The following TBC1D5 variants were observed in gnomAD, a reference collection of about 807,000 sequenced individuals.
TBC1D5 encodes TBC1 domain family member 5.
In TBC1D5, 75 loss-of-function variants were observed where a neutral mutation model predicts 100.3. The observed-to-expected ratio is 0.75, with a 90% confidence interval of 0.62 to 0.91. TBC1D5 has a LOEUF of 0.91. Among genes scored for constraint, TBC1D5 ranks in the 40% least tolerant of loss-of-function variants. The pLI, the probability that TBC1D5 is intolerant of heterozygous loss-of-function variation, is 0.00. For missense variants in TBC1D5, 910 were observed against 942.4 expected, an observed-to-expected ratio of 0.97 and a Z score of 0.45; for synonymous variants, 323 against 325.6, an observed-to-expected ratio of 0.99 and a Z score of 0.09.
chr3:17,197,571 T>A (rs2070869208), intron 18 of TBC1D5, among the ~76,000 whole-genome samples: 1 of 152,108 alleles, frequency 6.6e-6, no homozygotes, highest in Non-Finnish European at 1.5e-5. Context: ...GGGGTCTTGC[T>A]ATGTTGTCCC....
chr3:17,241,011 T>A (rs898478796), intron 16 of TBC1D5, among the ~76,000 whole-genome samples: 13 of 152,122 alleles, frequency 8.5e-5, no homozygotes, highest in African/African-American at 2.9e-4. Flanking sequence ...TTGTTGAACA[T>A]TTTTTTGTGT....
At chr3:17,451,477 A>T (rs2094926046) in intron 3 of TBC1D5, among the ~76,000 whole-genome samples, 1 of 152,212 alleles carries the variant, frequency 6.6e-6, no homozygotes, top group Non-Finnish European at 1.5e-5. Flanking sequence ...TAGAATGGTG[A>T]TCATCAAAAA....
intron 2 of TBC1D5, among the ~76,000 whole-genome samples, chr3:17,520,493 T>G (rs2096052514): frequency 6.6e-6 from 1 of 152,160 alleles, no homozygotes; most frequent in Non-Finnish European, 1.5e-5. Context: ...TAGAAGAAAG[T>G]TTCTTTATAA....
At chr3:17,357,477 C>A (rs184161889) in intron 13 of TBC1D5, among the ~76,000 whole-genome samples, 2 of 152,208 alleles carry the variant, frequency 1.3e-5, no homozygotes, top group African/African-American at 4.8e-5. Context: ...GTCATAAATA[C>A]CAACCGGCAG....
rs544491445 is a variant in TBC1D5 at position 17,286,085 on chromosome 3, T to A, written c.1245+5810A>T. ...GCCGTCAAATTCTTACTGCATAATC[T>A]AAAATGGTAATACATGTACTGTATT... On this transcript the variant is annotated intron_variant, in intron 15 of 21. Coordinates refer to ENST00000253692, the Ensembl canonical transcript of TBC1D5. Among the ~76,000 whole-genome samples, 107 of 152,346 alleles carry A rather than the reference T, an allele frequency of 7.0e-4. 1 individual carries two copies. The South Asian group carries it at 0.021, about 30-fold the overall frequency.
At chr3:17,298,383 G>C (rs1205440353) in intron 14 of TBC1D5, among the ~76,000 whole-genome samples, 1 of 152,116 alleles carries the variant, frequency 6.6e-6, no homozygotes, top group East Asian at 1.9e-4. Flanking sequence ...TCACATTCCA[G>C]TGGAAGAGAA....
intron 1 of TBC1D5, among the ~76,000 whole-genome samples, chr3:17,677,467 T>C (rs2068794525): frequency 6.6e-6 from 1 of 152,166 alleles, no homozygotes; most frequent in South Asian, 2.1e-4. Context: ...TCACACCAGT[T>C]AGAATGGTGA....
chr3:17,603,223 A>T (rs2061109285), intron 2 of TBC1D5, among the ~76,000 whole-genome samples: 1 of 144,296 alleles, frequency 6.9e-6, no homozygotes, highest in Non-Finnish European at 1.5e-5. Flanking sequence ...TGATATGATT[A>T]CAGCTCACTG....
chr3:17,347,938 G>A (rs1167461530), intron 13 of TBC1D5, among the ~76,000 whole-genome samples: 3 of 152,148 alleles, frequency 2.0e-5, no homozygotes, highest in African/African-American at 7.2e-5. Flanking sequence ...AGGAGCTGGA[G>A]GCTGCAGTGA....
chr3:17,442,892 A>T (rs1433480752), intron 3 of TBC1D5, among the ~76,000 whole-genome samples: 1 of 151,872 alleles, frequency 6.6e-6, no homozygotes, highest in Non-Finnish European at 1.5e-5. Flanking sequence ...AGGGAGAAGA[A>T]GCGAGGGACA....
At chr3:17,295,307 C>G (rs1417097315) in intron 14 of TBC1D5, among the ~76,000 whole-genome samples, 1 of 152,168 alleles carries the variant, frequency 6.6e-6, no homozygotes, top group Non-Finnish European at 1.5e-5. Flanking sequence ...TTATTCCTCC[C>G]ATTTATAAAA....
intron 2 of TBC1D5, among the ~76,000 whole-genome samples, chr3:17,606,263 G>C (rs908382454): frequency 3.9e-5 from 6 of 152,080 alleles, no homozygotes; most frequent in Non-Finnish European, 8.8e-5. Flanking sequence ...GCAACATAGA[G>C]TGACACCAGC....
intron 1 of TBC1D5, chr3:17,643,933 T>C (rs769092904): frequency 6.6e-6 from 1 of 152,088 alleles, no homozygotes; most frequent in Non-Finnish European, 1.5e-5. Flanking sequence ...GGCTAAGGGG[T>C]AAGCATTCCT....
intron 15 of TBC1D5, among the ~76,000 whole-genome samples, chr3:17,268,129 CT>C (rs2079028281): frequency 6.6e-6 from 1 of 151,636 alleles, no homozygotes; most frequent in African/African-American, 2.4e-5. Context: ...TGTAGATGGA[CT>C]TTTGCCTTTG....
At chr3:17,602,642 G>A (rs527457707) in intron 2 of TBC1D5, among the ~76,000 whole-genome samples, 2 of 129,656 alleles carry the variant, frequency 1.5e-5, no homozygotes, top group South Asian at 2.5e-4. Context: ...GCGCAATCTC[G>A]GCTCACTGCA....
At chr3:17,462,798 T>C (rs1013918570) in intron 3 of TBC1D5, among the ~76,000 whole-genome samples, 2 of 152,326 alleles carry the variant, frequency 1.3e-5, no homozygotes, top group South Asian at 2.1e-4. Flanking sequence ...CCAGACAGCA[T>C]AGATCCATCC....
chr3:17,250,659 T>G (rs1234626642), intron 16 of TBC1D5, among the ~76,000 whole-genome samples: 2 of 152,244 alleles, frequency 1.3e-5, no homozygotes, highest in Admixed American at 6.5e-5. Flanking sequence ...AGAATCCACG[T>G]GGCACCCTCA....
chr3:17,632,567 C>T (rs1163255227), intron 1 of TBC1D5, among the ~76,000 whole-genome samples: 1 of 152,098 alleles, frequency 6.6e-6, no homozygotes, highest in Non-Finnish European at 1.5e-5. Flanking sequence ...AAGGAAGAGT[C>T]AACTGATACG....
chr3:17,584,940 G>C (rs1421840647), intron 2 of TBC1D5, among the ~76,000 whole-genome samples: 11 of 152,110 alleles, frequency 7.2e-5, no homozygotes, highest in African/African-American at 2.4e-4. Flanking sequence ...ACAGGCGTGA[G>C]CCACTGTGCC....
Sources: gnomAD v4.1 joint callset for allele counts (sites outside exome capture counted in the v4.1 genomes callset) on GRCh38, gnomAD v4.1.1 for gene constraint, MANE v1.5 for transcripts, NCBI Gene and HGNC (gene_info 2026-07-23, HGNC 2026-07-21) for gene names.